The following CSTPP1 variants were observed in gnomAD, a reference collection of about 807,000 sequenced individuals.
CSTPP1 encodes centriolar satellite-associated tubulin polyglutamylase complex regulator 1.
At chr11:47,161,361 G>A in the CSTPP1 span, 15 of 1,586,974 alleles carry the variant, frequency 9.5e-6, no homozygotes, top group Non-Finnish European at 1.3e-5. Context: ...TCCTTTGGGG[G>A]CTGCAGCCCA....
the CSTPP1 span, among the ~76,000 whole-genome samples, chr11:46,998,881 G>A: frequency 6.6e-6 from 1 of 152,024 alleles, no homozygotes; most frequent in Non-Finnish European, 1.5e-5. Flanking sequence ...GACTACAGGT[G>A]CCCGCCACAT....
the CSTPP1 span, among the ~76,000 whole-genome samples, chr11:46,974,549 A>G: frequency 2.6e-5 from 4 of 151,004 alleles, no homozygotes; most frequent in African/African-American, 9.7e-5. Context: ...AAAAGAAAGA[A>G]AAAGAAACAG....
the CSTPP1 span, among the ~76,000 whole-genome samples, chr11:46,994,110 T>A: frequency 1.3e-5 from 2 of 152,206 alleles, no homozygotes; most frequent in African/African-American, 4.8e-5. Context: ...ATGCTTGTGA[T>A]TTTTGCACAT....
At chr11:46,942,980 A>T in the CSTPP1 span, among the ~76,000 whole-genome samples, 1 of 152,240 alleles carries the variant, frequency 6.6e-6, no homozygotes, top group South Asian at 2.1e-4. Flanking sequence ...TTGCTTCCTT[A>T]TTAAGGATGA....
At chr11:47,026,183 G>A in the CSTPP1 span, among the ~76,000 whole-genome samples, 4 of 152,214 alleles carry the variant, frequency 2.6e-5, no homozygotes, top group African/African-American at 9.6e-5. Context: ...AATGTGAGAT[G>A]TAATATGTAG....
At chr11:47,114,376 T>G in the CSTPP1 span, among the ~76,000 whole-genome samples, 1 of 152,254 alleles carries the variant, frequency 6.6e-6, no homozygotes, top group African/African-American at 2.4e-5. Context: ...TTTTTCTAAT[T>G]CTGTGAAGAA....
At chr11:47,031,745 T>G in the CSTPP1 span, among the ~76,000 whole-genome samples, 1 of 150,698 alleles carries the variant, frequency 6.6e-6, no homozygotes, top group Non-Finnish European at 1.5e-5. Context: ...AAAATTGCCC[T>G]GAAGTTAAAT....
chr11:47,112,663 A>G, the CSTPP1 span, among the ~76,000 whole-genome samples: 4 of 151,974 alleles, frequency 2.6e-5, no homozygotes, highest in African/African-American at 9.7e-5. Context: ...TGTCTTCCCC[A>G]CTGCAAGATA....
chr11:47,036,034 G>GATATATATATATATAATAT, the CSTPP1 span, among the ~76,000 whole-genome samples: 2 of 25,394 alleles, frequency 7.9e-5, 1 homozygote, highest in African/African-American at 5.6e-4. Context: ...GGAGTGAAAA[G>GATATATATATATATAATAT]ATATATATAT....
At chr11:47,019,386 C>G in the CSTPP1 span, among the ~76,000 whole-genome samples, 1 of 152,156 alleles carries the variant, frequency 6.6e-6, no homozygotes, top group Non-Finnish European at 1.5e-5. Flanking sequence ...GTGTAAGAGG[C>G]CTAGCTTTCG....
the CSTPP1 span, among the ~76,000 whole-genome samples, chr11:47,061,017 G>T: frequency 5.3e-5 from 8 of 152,212 alleles, no homozygotes; most frequent in Admixed American, 3.9e-4. Flanking sequence ...GAGGGATGTG[G>T]CAGAGAAAGA....
At chr11:47,091,351 G>C in the CSTPP1 span, among the ~76,000 whole-genome samples, 6 of 151,560 alleles carry the variant, frequency 4.0e-5, no homozygotes, top group Non-Finnish European at 8.8e-5. Context: ...TCCAGCCTGG[G>C]TGACAGAGCG....
At chr11:47,080,290 C>G in the CSTPP1 span, among the ~76,000 whole-genome samples, 1 of 151,980 alleles carries the variant, frequency 6.6e-6, no homozygotes, top group Non-Finnish European at 1.5e-5. Flanking sequence ...CCTGTCTCTA[C>G]TAAAAATACA....
the CSTPP1 span, among the ~76,000 whole-genome samples, chr11:47,034,329 CCTGA>C: frequency 6.6e-6 from 1 of 151,986 alleles, no homozygotes; most frequent in Non-Finnish European, 1.5e-5. Flanking sequence ...TAATCATAAA[CCTGA>C]CTGTGTTTGC....
chr11:47,143,119 C>T, the CSTPP1 span, among the ~76,000 whole-genome samples: 2 of 152,364 alleles, frequency 1.3e-5, no homozygotes, highest in South Asian at 4.1e-4. Flanking sequence ...TCTGTGTCAA[C>T]TTCTCCTCCC....
chr11:47,105,987 A>G, the CSTPP1 span, among the ~76,000 whole-genome samples: 1 of 152,216 alleles, frequency 6.6e-6, no homozygotes, highest in African/African-American at 2.4e-5. Context: ...TCCTTGATAT[A>G]TAAATTTGGG....
the CSTPP1 span, among the ~76,000 whole-genome samples, chr11:47,002,521 A>G: frequency 6.6e-6 from 1 of 152,144 alleles, no homozygotes; most frequent in African/African-American, 2.4e-5. Context: ...GGAGGAAGCT[A>G]TTTCACAGCC....
At chr11:47,101,168 T>TTTTTG in the CSTPP1 span, among the ~76,000 whole-genome samples, 1 of 75,832 alleles carries the variant, frequency 1.3e-5, no homozygotes, top group Non-Finnish European at 3.1e-5. Context: ...CGGCTAATTT[T>TTTTTG]TTTTTTTTTT....
the CSTPP1 span, among the ~76,000 whole-genome samples, chr11:47,070,264 G>C: frequency 2.4e-3 from 369 of 151,950 alleles, 1 homozygote; most frequent in African/African-American, 8.1e-3. Context: ...GATGGAGAGA[G>C]GGGGAGAGAG....
Sources: allele counts gnomAD v4.1 joint callset (sites outside exome capture counted in the v4.1 genomes callset), GRCh38; gene constraint gnomAD v4.1.1; transcripts MANE v1.5; gene names NCBI Gene and HGNC (gene_info 2026-07-23, HGNC 2026-07-21).